Variants in CTR9 observed in about 807,000 individuals in gnomAD.
CTR9 encodes RNA polymerase-associated protein CTR9 homolog.
Under a neutral mutation model 152.1 loss-of-function variants are expected in CTR9, and 41 were observed. The ratio of observed to expected loss-of-function variants is 0.27; its 90% confidence interval spans 0.21 to 0.35. The LOEUF is 0.35. Among genes scored for constraint, CTR9 ranks in the 10% least tolerant of loss-of-function variants. The pLI is 1.00. For missense variants in CTR9, 917 were observed against 1,424.4 expected (o/e 0.64, Z 5.73); for synonymous variants, 476 against 496.2 (o/e 0.96, Z 0.54).
At chr11:10,754,725 A>G (rs967377683) in intron 2 of CTR9, among the ~76,000 whole-genome samples, 18 of 152,084 alleles carry the variant, frequency 1.2e-4, no homozygotes, top group African/African-American at 4.1e-4. Context: ...CAGCATAATT[A>G]TTTTGAGATT....
rs144467923 is a variant in CTR9 at position 10,760,429 on chromosome 11, T to C, written c.741+108T>C. On this transcript the variant is annotated intron_variant, in intron 6 of 24. Coordinates refer to ENST00000361367, the MANE Select transcript of CTR9 (RefSeq NM_014633.5). Reference sequence around the variant, plus strand: ...TGTCTTAGAAATTAAGATTACAGATTACAGAAGGGTACCTGTACTTTGTAA... The same window carrying C: ...TGTCTTAGAAATTAAGATTACAGATCACAGAAGGGTACCTGTACTTTGTAA... 315 of 1,039,694 alleles carry C rather than the reference T, an allele frequency of 3.0e-4. 1 individual carries two copies. The East Asian group carries it at 7.1e-3, about 24-fold the overall frequency. The allele number at this position is 1,039,694 out of a possible 1,614,324, so 64.4% of individuals were successfully genotyped here.
chr11:10,773,307 C>T (rs778049288), intron 21 of CTR9, 34 bp downstream of exon 21: 12 of 1,596,668 alleles, frequency 7.5e-6, no homozygotes, highest in Non-Finnish European at 8.5e-6. Context: ...CAAGTGACCT[C>T]ATTCTCTGTC....
chr11:10,777,444 G>A (rs1863259269), intron 24 of CTR9, among the ~76,000 whole-genome samples: 1 of 152,014 alleles, frequency 6.6e-6, no homozygotes, highest in South Asian at 2.1e-4. Context: ...TCCTCTGAAG[G>A]CACCGGCTGA....
Position 10,778,722 on chromosome 11 carries a change from G to A in CTR9, c.3139G>A (p.Glu1047Lys), listed in dbSNP as rs567678481. The A allele has an allele frequency of 1.4e-5, 22 of 1,613,904 alleles. No individual in the cohort carries two copies. In the Middle Eastern group the frequency reaches 5.0e-4, roughly 36 times the overall value. The change falls in exon 25 of 25, where the codon GAA becomes AAA. Residue 1047 changes from glutamate (E) to lysine (K), a missense_variant. Coordinates refer to ENST00000361367, the MANE Select transcript of CTR9 (RefSeq NM_014633.5). ...CAGCAACAGTGACTCAGACGAGGAC[G>A]AACAACGAAAGAAATGTGCCTCATC... The part of the protein sequence containing the change: ...SNSNSDSDED[E>K]QRKKCASSES...
chr11:10,771,446 C>T, intron 18 of CTR9, 99 bp from the exon 19 acceptor site: 1 of 823,886 alleles, frequency 1.2e-6, no homozygotes, highest in African/African-American at 1.7e-5. Context: ...AATATGCAAA[C>T]CTTTTCTCAG....
At position 10,775,279 on chromosome 11, in the gene CTR9, A is replaced by G. The variant is rs1223432047; in HGVS notation, c.2958A>G (p.Pro986=). The G allele has an allele frequency of 6.2e-7, 1 of 1,614,110 alleles. No individual in the cohort carries two copies. The highest frequency in any genetic ancestry group is 1.7e-5 in the Admixed American group (1 of 60,014). Residue 986 remains proline (P), a synonymous_variant, in exon 23 of 25, where the codon CCA becomes CCG. Transcript: ENST00000361367. ...GCCCCAAACCAAAAAAACGACGTCC[A>G]CCAAAAGCAGAGAAGAAAAAGGCTG... ...ENGPKPKKRR[P]PKAEKKKAPK... is the part of the protein sequence containing the mutation.
Position 10,765,732 on chromosome 11 carries a change from G to C in CTR9, c.1598-670G>C, listed in dbSNP as rs557463037. Among the ~76,000 whole-genome samples, 110 of 152,318 alleles carry C rather than the reference G, an allele frequency of 7.2e-4. 1 individual carries two copies. The highest frequency in any genetic ancestry group is 1.3e-3 in the Non-Finnish European group (86 of 68,036). ...CCACCATGGCCTCCCAAAGTGCTGG[G>C]ATTATAGGCGTGAGCCACCGTGCCC... On this transcript the variant is annotated intron_variant, in intron 12 of 24. Transcript: ENST00000361367.
intron 16 of CTR9, among the ~76,000 whole-genome samples, chr11:10,769,520 T>C (rs1863109761): frequency 6.6e-6 from 1 of 152,154 alleles, no homozygotes; most frequent in Non-Finnish European, 1.5e-5. Flanking sequence ...TCACAGAAAC[T>C]CACAGAACCT....
chr11:10,751,776 G>A (rs552753763), intron 1 of CTR9, among the ~76,000 whole-genome samples: 2 of 152,264 alleles, frequency 1.3e-5, no homozygotes, highest in African/African-American at 4.8e-5. Context: ...CCGATAAACT[G>A]TAAAACACCT....
intron 24 of CTR9, among the ~76,000 whole-genome samples, chr11:10,777,413 A>G (rs1863258539): frequency 6.6e-6 from 1 of 152,184 alleles, no homozygotes; most frequent in Admixed American, 6.5e-5. Flanking sequence ...AACAAACAAA[A>G]AAAGATTTGC....
In CTR9 at chr11:10,763,484, G is replaced by A. The variant is rs781468880; in HGVS notation, c.903G>A (p.Val301=). The A allele has an allele frequency of 6.2e-7, 1 of 1,612,112 alleles. No homozygotes were observed. Among genetic ancestry groups the A allele is most frequent in the Non-Finnish European group, 8.5e-7 (1 of 1,179,546 alleles). ...LALHAFHNTE[V]EAMQAESCYQ... is the part of the protein sequence containing the mutation. The stretch of plus-strand genomic sequence containing the variant: ...TCCATGCATTCCATAATACAGAAGT[G>A]GAAGCTATGCAAGCAGAGAGCTGCT... The change falls in exon 8 of 25, where the codon GTG becomes GTA. Residue 301 remains valine (V), a synonymous_variant. Transcript: ENST00000361367.
At chr11:10,759,153 T>C (rs1305604370) in intron 5 of CTR9, among the ~76,000 whole-genome samples, 2 of 152,152 alleles carry the variant, frequency 1.3e-5, no homozygotes, top group Non-Finnish European at 2.9e-5. Context: ...AAAAGAGGTC[T>C]AGAGGTGGAG....
chr11:10,765,526 A>G (rs546241541), intron 12 of CTR9, among the ~76,000 whole-genome samples: 126 of 152,276 alleles, frequency 8.3e-4, no homozygotes, highest in Admixed American at 1.4e-3. Context: ...CAGTGGCACA[A>G]TCTCGGCTCA....
Position 10,763,869 on chromosome 11 carries a change from A to G in CTR9, c.1184A>G (p.Asp395Gly). ...GCCTCAGAAGATCAAGAAAAACGAGATATTGCCAAGGTACATCTTTTTTTT... is the reference window on the plus strand; with the variant it reads ...GCCTCAGAAGATCAAGAAAAACGAGGTATTGCCAAGGTACATCTTTTTTTT... ...YAASEDQEKRDIAKGHLKKVT... is the reference protein window; with the variant it reads ...YAASEDQEKRGIAKGHLKKVT... Residue 395 changes from aspartate to glycine, a missense_variant, in exon 9 of 25, where the codon GAT becomes GGT. Asp to Gly is a moderately conservative substitution (Grantham distance 94, BLOSUM62 -1). This residue lies in a region of CTR9 where 133 missense variants were observed against 244.1 expected (regional missense o/e 0.54). Coordinates refer to ENST00000361367, the MANE Select transcript of CTR9 (RefSeq NM_014633.5). 1.2e-6 allele frequency: 2 copies of G among 1,603,494 alleles called. No homozygotes were observed. The highest frequency in any genetic ancestry group is 2.2e-5 in the East Asian group (1 of 44,808).
intron 21 of CTR9, 45 bp downstream of exon 21, chr11:10,773,318 T>A: frequency 3.1e-6 from 5 of 1,590,028 alleles, no homozygotes; most frequent in Non-Finnish European, 4.3e-6. Flanking sequence ...ATTCTCTGTC[T>A]TTTGGCTTTG....
At chr11:10,766,287 C>T (rs1466449065) in intron 12 of CTR9, 115 bp from the exon 13 acceptor site, 1 of 743,294 alleles carries the variant, frequency 1.3e-6, no homozygotes, top group African/African-American at 1.8e-5. Context: ...TGGGACTTTT[C>T]TGTTCCTTTT....
chr11:10,765,717 C>T (rs1863049075), intron 12 of CTR9, among the ~76,000 whole-genome samples: 1 of 152,208 alleles, frequency 6.6e-6, no homozygotes, highest in Admixed American at 6.5e-5. Context: ...CCACCATGGC[C>T]TCCCAAAGTG....
At chr11:10,775,063 C>G (rs1448060781) in intron 22 of CTR9, 144 bp from the exon 23 acceptor site, 10 of 636,956 alleles carry the variant, frequency 1.6e-5, no homozygotes, top group Non-Finnish European at 2.4e-5. Context: ...GTTATGTCCC[C>G]TGCCCTTGAG....
At chr11:10,770,726 T>C in intron 18 of CTR9, 94 bp downstream of exon 18, 1 of 1,177,572 alleles carries the variant, frequency 8.5e-7, no homozygotes, top group Admixed American at 2.5e-5. Context: ...AATGCTTTGT[T>C]TAAAGCTATT....
Sources: allele counts gnomAD v4.1 joint callset (sites outside exome capture counted in the v4.1 genomes callset), GRCh38; gene constraint gnomAD v4.1.1; regional missense constraint gnomAD v4.1.1; transcripts MANE v1.5; gene names NCBI Gene and HGNC (gene_info 2026-07-23, HGNC 2026-07-21).